The following MYO1B variants were observed in gnomAD, a reference collection of about 807,000 sequenced individuals.
MYO1B encodes the protein unconventional myosin-Ib.
A neutral mutation model predicts 159.7 loss-of-function variants in MYO1B; 72 were observed. That is an observed-to-expected ratio of 0.45 (90% CI 0.37 to 0.55). The LOEUF (loss-of-function observed/expected upper bound fraction) is 0.55, where lower values mean the gene tolerates loss of function less well. MYO1B is among the 20% of genes least tolerant of loss of function. The pLI, the probability that MYO1B is intolerant of heterozygous loss-of-function variation, is 0.00. For missense variants in MYO1B, 1,062 were observed against 1,364.8 expected, an observed-to-expected ratio of 0.78 and a Z score of 3.50; for synonymous variants, 468 against 473.8, an observed-to-expected ratio of 0.99 and a Z score of 0.16.
intron 1 of MYO1B, among the ~76,000 whole-genome samples, chr2:191,250,171 G>T (rs1415533185): frequency 6.6e-6 from 1 of 152,194 alleles, no homozygotes; most frequent in Non-Finnish European, 1.5e-5. Flanking sequence ...GAAGAAAATG[G>T]CTATGACAGC....
chr2:191,258,501 C>T (rs2125681149), intron 1 of MYO1B, among the ~76,000 whole-genome samples: 1 of 152,270 alleles, frequency 6.6e-6, no homozygotes, highest in Admixed American at 6.5e-5. Context: ...TATAAAAACA[C>T]AAAGTAATTG....
chr2:191,319,300 A>G (rs1156383132), intron 3 of MYO1B, among the ~76,000 whole-genome samples: 1 of 152,186 alleles, frequency 6.6e-6, no homozygotes, highest in Non-Finnish European at 1.5e-5. Context: ...AGTGGAAACC[A>G]TCTGGAAGAC....
intron 3 of MYO1B, among the ~76,000 whole-genome samples, chr2:191,303,584 A>G (rs1248225896): frequency 6.6e-6 from 1 of 152,200 alleles, no homozygotes; most frequent in Non-Finnish European, 1.5e-5. Flanking sequence ...AACAAAACAG[A>G]TAAAATTCCT....
chr2:191,422,303 C>T lies in MYO1B; in HGVS notation c.3288-1534C>T, dbSNP rs376677932. On this transcript the variant is annotated intron_variant, in intron 30 of 30. Coordinates refer to ENST00000392318, the MANE Select transcript of MYO1B (RefSeq NM_001130158.3). The stretch of plus-strand genomic sequence containing the variant: ...CTGGAAGACCTGGTTTCTGGCCCAG[C>T]GATGCAGCTCTCATGTCCCCCAGTG... 7.9e-5 allele frequency among the ~76,000 whole-genome samples: 12 copies of T among 152,288 alleles called. No individual in the cohort carries two copies. In the South Asian group the frequency reaches 1.5e-3, roughly 18 times the overall value.
At chr2:191,372,154 G>A (rs1487358774) in intron 13 of MYO1B, among the ~76,000 whole-genome samples, 1 of 137,430 alleles carries the variant, frequency 7.3e-6, no homozygotes, top group Non-Finnish European at 1.5e-5. Context: ...GGGGAGATGG[G>A]TAAGCAGAGA....
chr2:191,407,034 G>T (rs1395194513), intron 24 of MYO1B, among the ~76,000 whole-genome samples: 1 of 152,178 alleles, frequency 6.6e-6, no homozygotes, highest in African/African-American at 2.4e-5. Flanking sequence ...GAGCGTGCAT[G>T]CCTCATCTAA....
intron 20 of MYO1B, 146 bp downstream of exon 20, chr2:191,393,368 T>TA: frequency 9.9e-7 from 1 of 1,012,998 alleles, no homozygotes; most frequent in Non-Finnish European, 1.4e-6. Context: ...TTCTTTTTTT[T>TA]AAAGATGAGA....
intron 1 of MYO1B, among the ~76,000 whole-genome samples, chr2:191,261,484 C>A (rs1030244907): frequency 3.3e-5 from 5 of 152,170 alleles, no homozygotes; most frequent in African/African-American, 1.2e-4. Context: ...AAAGCAGTAA[C>A]CCATGTTCAC....
At chr2:191,285,671 A>G (rs886437201) in intron 2 of MYO1B, among the ~76,000 whole-genome samples, 21 of 152,204 alleles carry the variant, frequency 1.4e-4, no homozygotes, top group African/African-American at 4.3e-4. Context: ...ACCTATGAAT[A>G]AGAGGCTTTG....
intron 7 of MYO1B, 136 bp from the exon 8 acceptor site, chr2:191,360,495 C>T: frequency 1.7e-6 from 1 of 582,704 alleles, no homozygotes. Context: ...GAAGCTAGAA[C>T]TGAAAATACA....
chr2:191,400,823 G>T lies in MYO1B; in HGVS notation c.2457G>T (p.Trp819Cys). Residue 819 changes from tryptophan (W) to cysteine (C), a missense_variant, in exon 23 of 31, where the codon TGG (tryptophan) becomes TGT (cysteine). Physicochemically the swap from Trp to Cys is radical, Grantham distance 215. Coordinates refer to ENST00000392318, the MANE Select transcript of MYO1B (RefSeq NM_001130158.3). ...KHAIAVIWAYWLGSKARRELK... is the reference protein window; with the variant it reads ...KHAIAVIWAYCLGSKARRELK... ...CTATTGCAGTTATTTGGGCTTACTG[G>T]CTTGGATCTAAGGTACTTGATGCAC... 6.2e-7 allele frequency: 1 copy of T among 1,613,966 alleles called. No homozygotes were observed. The highest frequency in any genetic ancestry group is 8.5e-7 in the Non-Finnish European group (1 of 1,179,848).
chr2:191,350,313 G>A lies in MYO1B; in HGVS notation c.562+88G>A, dbSNP rs185939449. On this transcript the variant is annotated intron_variant, in intron 7 of 30. Coordinates refer to ENST00000392318, the MANE Select transcript of MYO1B (RefSeq NM_001130158.3). The stretch of plus-strand genomic sequence containing the variant: ...GAATAGTTTAGATACTTGTGTCTTT[G>A]AGGCATAAGAATATGTTTCCTTGCT... The A allele has an allele frequency of 1.2e-3, 1,098 of 918,670 alleles. 13 individuals carry two copies. In the East Asian group the frequency reaches 0.023, roughly 19 times the overall value. The allele number at this position is 918,670 out of a possible 1,614,324, so 56.9% of individuals were successfully genotyped here. A position where few individuals can be genotyped will look rare whatever the true frequency, so the allele number is the denominator to read the frequency against.
At chr2:191,272,773 C>T (rs772625923) in intron 1 of MYO1B, among the ~76,000 whole-genome samples, 15 of 152,088 alleles carry the variant, frequency 9.9e-5, no homozygotes, top group Non-Finnish European at 2.1e-4. Flanking sequence ...CTCAAGATAC[C>T]ACGGGCCATG....
In MYO1B at chr2:191,391,418, GCCTAATTTAGTAC is replaced by G. The variant is rs1415533219; in HGVS notation, c.1983-680_1983-668del. Among the ~76,000 whole-genome samples the G allele has an allele frequency of 2.6e-5, 4 of 152,294 alleles. No homozygotes were observed. The East Asian group carries it at 5.8e-4, about 22-fold the overall frequency. On this transcript the variant is annotated intron_variant, in intron 18 of 30. Transcript: ENST00000392318. ...CCAGATGTATGGTGCGGTCTCTGAT[GCCTAATTTAGTAC>G]CCTAATTTAATGTAGGATTTGGGTA...
At chr2:191,296,543 A>G (rs577942399) in intron 3 of MYO1B, among the ~76,000 whole-genome samples, 165 of 152,326 alleles carry the variant, frequency 1.1e-3, no homozygotes, top group African/African-American at 3.8e-3. Flanking sequence ...TTATTATTAT[A>G]AAGAGCCTAA....
intron 3 of MYO1B, among the ~76,000 whole-genome samples, chr2:191,298,032 G>C (rs1276971506): frequency 6.6e-6 from 1 of 152,186 alleles, no homozygotes; most frequent in Non-Finnish European, 1.5e-5. Context: ...TTCTCTGTAT[G>C]ATTAAAGATT....
rs1466182275 is a variant in MYO1B at position 191,409,155 on chromosome 2, A to G, written c.2743A>G (p.Lys915Glu). 1.2e-6 allele frequency: 2 copies of G among 1,611,534 alleles called. No homozygotes were observed. Among genetic ancestry groups the G allele is most frequent in the Admixed American group, 1.7e-5 (1 of 59,460 alleles). The change falls in exon 26 of 31, where the codon AAA becomes GAA. Residue 915 changes from lysine to glutamate, a missense_variant. Transcript: ENST00000392318. ...CTTGGATTCTACTCACAAGGAGCTAAAAAGGATTTTCCACTTGTGGAGGGT... is the reference window on the plus strand; with the variant it reads ...CTTGGATTCTACTCACAAGGAGCTAGAAAGGATTTTCCACTTGTGGAGGGT... ...LFLDSTHKEL[K>E]RIFHLWRCKK...
intron 1 of MYO1B, among the ~76,000 whole-genome samples, chr2:191,253,576 A>AAAAAAAAAAG (rs1022581856): frequency 2.0e-5 from 3 of 151,888 alleles, no homozygotes; most frequent in African/African-American, 7.3e-5. Flanking sequence ...CACAACTTAA[A>AAAAAAAAAAG]AAAAAAAAAG....
intron 15 of MYO1B, among the ~76,000 whole-genome samples, chr2:191,384,483 TA>T (rs1695285749): frequency 6.6e-6 from 1 of 152,218 alleles, no homozygotes; most frequent in African/African-American, 2.4e-5. Flanking sequence ...CTGATTAAAT[TA>T]AACAATATTC....
Sources: gnomAD v4.1 joint callset for allele counts (sites outside exome capture counted in the v4.1 genomes callset) on GRCh38, gnomAD v4.1.1 for gene constraint, MANE v1.5 for transcripts, NCBI Gene and HGNC (gene_info 2026-07-23, HGNC 2026-07-21) for gene names.